The following FKBP15 variants were observed in gnomAD, a reference collection of about 807,000 sequenced individuals.
The protein encoded by FKBP15 is FKBP prolyl isomerase family member 15.
A neutral mutation model predicts 158.1 loss-of-function variants in FKBP15; 106 were observed. The observed-to-expected ratio is 0.67, with a 90% CI of 0.57 to 0.79. FKBP15 has a LOEUF of 0.79. Ranked by LOEUF, FKBP15 falls within the 30% of genes least tolerant of loss-of-function variation. FKBP15 has a pLI of 0.00. For synonymous variants in FKBP15, 547 were observed against 548.6 expected (o/e 1.00, Z 0.04); for missense variants, 1,287 against 1,479.1 (o/e 0.87, Z 2.13).
chr9:113,213,559 G>A (rs924495216), intron 1 of FKBP15, among the ~76,000 whole-genome samples: 1 of 146,512 alleles, frequency 6.8e-6, no homozygotes, highest in African/African-American at 2.6e-5. Flanking sequence ...AGGTGACAGA[G>A]CAAGACCCTG....
At chr9:113,169,131 T>C in intron 26 of FKBP15, 93 bp downstream of exon 26, 1 of 1,451,438 alleles carries the variant, frequency 6.9e-7, no homozygotes. Context: ...AGTAAATTAG[T>C]CTCTGAGGGA....
At chr9:113,204,435 T>C (rs1361159320) in intron 4 of FKBP15, among the ~76,000 whole-genome samples, 1 of 152,376 alleles carries the variant, frequency 6.6e-6, no homozygotes, top group Admixed American at 6.5e-5. Context: ...TTAATGTTCC[T>C]TGTAGTGCAA....
At chr9:113,218,722 A>G (rs569937798) in intron 1 of FKBP15, among the ~76,000 whole-genome samples, 1 of 152,282 alleles carries the variant, frequency 6.6e-6, no homozygotes, top group African/African-American at 2.4e-5. Context: ...GTCAAACCTC[A>G]TTATTGAATA....
chr9:113,209,787 C>T (rs1365353396), intron 2 of FKBP15, among the ~76,000 whole-genome samples: 1 of 152,236 alleles, frequency 6.6e-6, no homozygotes, highest in Non-Finnish European at 1.5e-5. Flanking sequence ...CTTTCTTCAG[C>T]ACTTTTCTGC....
At chr9:113,171,846 CT>C (rs75591594) in intron 23 of FKBP15, 140 bp from the exon 24 acceptor site, 244,584 of 668,672 alleles carry the variant, frequency 0.37, 51,237 homozygotes, top group East Asian at 0.75. Context: ...ATTTCAAATT[CT>C]TTTTTTTTAT....
At chr9:113,197,397 G>GCCAC (rs1395678732) in intron 8 of FKBP15, among the ~76,000 whole-genome samples, 2 of 152,224 alleles carry the variant, frequency 1.3e-5, no homozygotes, top group East Asian at 3.8e-4. Flanking sequence ...GCTGGGCACA[G>GCCAC]TGGCTCATGG....
At chr9:113,186,424 C>T in intron 14 of FKBP15, 61 bp from the exon 15 acceptor site, 1 of 1,262,546 alleles carries the variant, frequency 7.9e-7, no homozygotes, top group Non-Finnish European at 1.1e-6. Context: ...TTTTTGTTCA[C>T]ATTTTTCTTT....
chr9:113,210,329 T>C (rs1404134195), intron 2 of FKBP15, among the ~76,000 whole-genome samples: 2 of 135,898 alleles, frequency 1.5e-5, no homozygotes, highest in Non-Finnish European at 3.2e-5. Context: ...CCAGTTGTGA[T>C]GGCTTTTTTT....
chr9:113,190,429 G>T, intron 12 of FKBP15, 42 bp downstream of exon 12: 1 of 1,413,210 alleles, frequency 7.1e-7, no homozygotes, highest in South Asian at 1.2e-5. Context: ...AGATGATGGC[G>T]ACATCTGTAC....
intron 20 of FKBP15, among the ~76,000 whole-genome samples, chr9:113,178,363 C>T (rs1048974680): frequency 1.3e-5 from 2 of 152,102 alleles, no homozygotes; most frequent in Non-Finnish European, 2.9e-5. Context: ...CATTTGAAGC[C>T]AATCATAAGT....
rs965291993 is a variant in FKBP15, at chr9:113,162,662, A to G, written c.*3416T>C. 3 of 1,288,728 alleles carry G rather than the reference A, an allele frequency of 2.3e-6. No homozygotes were observed. Among genetic ancestry groups the G allele is most frequent in the Non-Finnish European group, 1.1e-6 (1 of 924,154 alleles). 79.8% of individuals were successfully genotyped at this position (1,288,728 alleles called of 1,614,324 possible). ...ATAAATCAATCGGGTCACGTAACTCAACAGCTTTCTACTCCCTGATATCTA... is the reference window on the plus strand; with the variant it reads ...ATAAATCAATCGGGTCACGTAACTCGACAGCTTTCTACTCCCTGATATCTA... On this transcript the variant is annotated 3_prime_UTR_variant, in exon 28 of 28. Coordinates refer to ENST00000238256, the MANE Select transcript of FKBP15 (RefSeq NM_015258.2).
chr9:113,171,124 T>G (rs1245846737), intron 24 of FKBP15, among the ~76,000 whole-genome samples: 2 of 152,196 alleles, frequency 1.3e-5, no homozygotes, highest in African/African-American at 4.8e-5. Context: ...TGTAAGCTCC[T>G]TAAACTCAAG....
In FKBP15 at chr9:113,221,273, G is replaced by A. The variant is rs1831253739; in HGVS notation, c.-30C>T. 6.3e-7 allele frequency: 1 copy of A among 1,588,090 alleles called. No homozygotes were observed. Among genetic ancestry groups the A allele is most frequent in the Admixed American group, 1.8e-5 (1 of 56,310 alleles). On this transcript the variant is annotated 5_prime_UTR_variant, in exon 1 of 28. Coordinates refer to ENST00000238256, the MANE Select transcript of FKBP15 (RefSeq NM_015258.2). Reference sequence around the variant, plus strand: ...TTGGCTTTCACCGGGTTGCGGGGAGGAAGCTGGGTATTCCCAGAGTCCCAG... The same window carrying A: ...TTGGCTTTCACCGGGTTGCGGGGAGAAAGCTGGGTATTCCCAGAGTCCCAG...
At position 113,162,742 on chromosome 9, in the gene FKBP15, T is replaced by C; in HGVS notation, c.*3336A>G. ...CCAGGATTAACTTGCTTCTCCTTTT[T>C]ATCTAGGTGGTATTTGTGTCACTTT... On this transcript the variant is annotated 3_prime_UTR_variant, in exon 28 of 28. Transcript: ENST00000238256. The C allele has an allele frequency of 6.2e-7, 1 of 1,607,774 alleles. No homozygotes were observed. Among genetic ancestry groups the C allele is most frequent in the Non-Finnish European group, 8.5e-7 (1 of 1,176,626 alleles).
At chr9:113,202,755 T>C in intron 5 of FKBP15, 126 bp from the exon 6 acceptor site, 1 of 811,660 alleles carries the variant, frequency 1.2e-6, no homozygotes, top group Non-Finnish European at 2.0e-6. Flanking sequence ...GAGATCTTTC[T>C]TCTTCCCTCT....
chr9:113,190,360 T>G, intron 12 of FKBP15, 111 bp downstream of exon 12: 1 of 849,598 alleles, frequency 1.2e-6, no homozygotes, highest in Non-Finnish European at 1.9e-6. Context: ...GCATATTAGC[T>G]CTCTAAATAA....
intron 4 of FKBP15, among the ~76,000 whole-genome samples, chr9:113,205,200 T>C (rs1830864578): frequency 6.6e-6 from 1 of 152,100 alleles, no homozygotes; most frequent in South Asian, 2.1e-4. Context: ...TTCACCAAAA[T>C]TAAAAACTTT....
In FKBP15 at chr9:113,165,279, C is replaced by A. The variant is rs1443938255; in HGVS notation, c.*799G>T. 6.6e-6 allele frequency: 1 copy of A among 152,168 alleles called. No individual in the cohort carries two copies. The highest frequency in any genetic ancestry group is 2.4e-5 in the African/African-American group (1 of 41,432). The allele number at this position is 152,168 out of a possible 1,614,324, so 9.4% of individuals were successfully genotyped here. ...GACTGCAGGACTAAGCCTGCAGGAG[C>A]AAGAGGATGACTGGACTGGTCCTCA... On this transcript the variant is annotated 3_prime_UTR_variant, in exon 28 of 28. Coordinates refer to ENST00000238256, the MANE Select transcript of FKBP15 (RefSeq NM_015258.2).
chr9:113,210,731 C>G (rs1263562389), intron 2 of FKBP15, among the ~76,000 whole-genome samples: 2 of 151,898 alleles, frequency 1.3e-5, no homozygotes, highest in Non-Finnish European at 2.9e-5. Context: ...CACCCTCAAT[C>G]TTGTTGGGCA....
Sources: allele counts gnomAD v4.1 joint callset (sites outside exome capture counted in the v4.1 genomes callset), GRCh38; gene constraint gnomAD v4.1.1; transcripts MANE v1.5; gene names NCBI Gene and HGNC (gene_info 2026-07-23, HGNC 2026-07-21).